The following WDPCP variants were observed in gnomAD, a reference collection of about 807,000 sequenced individuals.
The protein encoded by WDPCP is WD repeat containing planar cell polarity effector.
Under a neutral mutation model 93.1 loss-of-function variants are expected in WDPCP, and 71 were observed. The ratio of observed to expected loss-of-function variants is 0.76; its 90% CI spans 0.63 to 0.93. The LOEUF is 0.93. Ranked by LOEUF, WDPCP falls within the 40% of genes least tolerant of loss-of-function variation. WDPCP has a pLI of 0.00. For synonymous variants in WDPCP, 315 were observed against 315.0 expected, an observed-to-expected ratio of 1.00 and a Z score of 0.00; for missense variants, 844 against 887.4, an observed-to-expected ratio of 0.95 and a Z score of 0.62.
chr2:63,297,410 A>C (rs1259347295), intron 13 of WDPCP, among the ~76,000 whole-genome samples: 1 of 152,112 alleles, frequency 6.6e-6, no homozygotes. Flanking sequence ...CTCAGGGTAT[A>C]CTTAAGTTAT....
Position 63,424,507 on chromosome 2 carries a change from G to T in WDPCP, c.825+9238C>A, listed in dbSNP as rs1696114917. Among the ~76,000 whole-genome samples the T allele has an allele frequency of 2.0e-5, 3 of 152,122 alleles. No individual in the cohort carries two copies. In the South Asian group the frequency reaches 6.2e-4, roughly 32 times the overall value. ...GTGTGTACATAGCACAGCCTCCACT[G>T]CCCAGCCTGAGTGCTTTGCTGGTGG... On this transcript the variant is annotated intron_variant, in intron 9 of 17. Transcript: ENST00000272321.
intron 12 of WDPCP, among the ~76,000 whole-genome samples, chr2:63,313,886 A>ATATATATTT: frequency 1.7e-4 from 13 of 74,470 alleles, no homozygotes; most frequent in South Asian, 4.8e-4. Context: ...ATATATATAT[A>ATATATATTT]TTTTTTTTTT....
At chr2:63,340,864 C>A (rs952916565) in intron 12 of WDPCP, among the ~76,000 whole-genome samples, 4 of 152,128 alleles carry the variant, frequency 2.6e-5, no homozygotes, top group African/African-American at 9.7e-5. Flanking sequence ...CATTTTAAAT[C>A]CAGAAGTTCC....
chr2:63,387,089 A>G (rs2104961983), intron 10 of WDPCP, among the ~76,000 whole-genome samples: 1 of 152,246 alleles, frequency 6.6e-6, no homozygotes, highest in East Asian at 1.9e-4. Flanking sequence ...TCCTACTGAA[A>G]CTATTCCAAA....
At chr2:63,540,746 TTTTG>T (rs765083556) in intron 1 of WDPCP, among the ~76,000 whole-genome samples, 94 of 152,114 alleles carry the variant, frequency 6.2e-4, no homozygotes, top group East Asian at 9.7e-4. Context: ...ATAGTGGTTT[TTTTG>T]TTTGTTTGTT....
intron 1 of WDPCP, among the ~76,000 whole-genome samples, chr2:63,824,547 A>AC (rs1461581865): frequency 1.3e-5 from 2 of 149,570 alleles, no homozygotes; most frequent in South Asian, 2.1e-4. Flanking sequence ...CAAAAAAAAA[A>AC]AAAAAAAAAA....
intron 2 of WDPCP, among the ~76,000 whole-genome samples, chr2:63,710,864 G>T (rs955944810): frequency 1.5e-4 from 23 of 152,178 alleles, no homozygotes; most frequent in Admixed American, 1.0e-3. Flanking sequence ...ATCTCCACCT[G>T]TCTCTGTATT....
At chr2:63,261,174 GTTTTTTTTTTTTCTGT>G (rs1388496776) in intron 13 of WDPCP, among the ~76,000 whole-genome samples, 3 of 127,524 alleles carry the variant, frequency 2.4e-5, no homozygotes, top group African/African-American at 3.2e-5. Flanking sequence ...CTGTCGAAAG[GTTTTTTTTTTTTCTGT>G]TTTTTTTTTT....
At chr2:63,230,035 C>CT (rs1478783725) in intron 14 of WDPCP, among the ~76,000 whole-genome samples, 3 of 151,444 alleles carry the variant, frequency 2.0e-5, no homozygotes, top group Non-Finnish European at 2.9e-5. Context: ...TGCTGCACCC[C>CT]TTAACTCATC....
intron 9 of WDPCP, among the ~76,000 whole-genome samples, chr2:63,421,486 T>C (rs1695855875): frequency 1.3e-5 from 2 of 151,990 alleles, no homozygotes; most frequent in Non-Finnish European, 2.9e-5. Flanking sequence ...TTTGACAAAG[T>C]AGCAAAGGCA....
At chr2:63,463,337 G>A (rs1392330277) in intron 6 of WDPCP, among the ~76,000 whole-genome samples, 2 of 152,100 alleles carry the variant, frequency 1.3e-5, no homozygotes, top group Admixed American at 6.6e-5. Context: ...TGAATGCTGA[G>A]TAAGCAAGAA....
chr2:63,645,587 T>C (rs1710038228), intron 3 of WDPCP, among the ~76,000 whole-genome samples: 1 of 152,248 alleles, frequency 6.6e-6, no homozygotes, highest in South Asian at 2.1e-4. Flanking sequence ...ATCTGTCCAA[T>C]GTTGAAAGTG....
rs1201819831 is a variant in WDPCP, at chr2:63,382,344, G to A, written c.1436-250C>T. 2.0e-5 allele frequency among the ~76,000 whole-genome samples: 3 copies of A among 151,980 alleles called. No individual in the cohort carries two copies. In the South Asian group the frequency reaches 6.2e-4, roughly 32 times the overall value. Reference sequence around the variant, plus strand: ...GGACCAAGAGCATAAAACAAAGATTGGGGGGTGGCATTCTGTTCTGGTTTT... The same window carrying A: ...GGACCAAGAGCATAAAACAAAGATTAGGGGGTGGCATTCTGTTCTGGTTTT... On this transcript the variant is annotated intron_variant, in intron 10 of 17. Transcript: ENST00000272321.
chr2:63,203,559 A>G (rs931385439), intron 14 of WDPCP, among the ~76,000 whole-genome samples: 1 of 152,102 alleles, frequency 6.6e-6, no homozygotes, highest in African/African-American at 2.4e-5. Flanking sequence ...ATTTTTTACC[A>G]TAGACACTGT....
chr2:63,335,371 T>C (rs557196492), intron 12 of WDPCP, among the ~76,000 whole-genome samples: 13 of 152,174 alleles, frequency 8.5e-5, no homozygotes, highest in Non-Finnish European at 1.6e-4. Context: ...CCTTGCTCAT[T>C]TGATTTACAC....
intron 6 of WDPCP, among the ~76,000 whole-genome samples, chr2:63,443,856 A>C (rs2105560376): frequency 6.6e-6 from 1 of 152,276 alleles, no homozygotes; most frequent in East Asian, 1.9e-4. Context: ...AAAGACTCAA[A>C]GATTTTTGGC....
At chr2:63,142,403 T>G (rs902584924) in intron 17 of WDPCP, among the ~76,000 whole-genome samples, 1 of 152,238 alleles carries the variant, frequency 6.6e-6, no homozygotes, top group Non-Finnish European at 1.5e-5. Flanking sequence ...TCAATGCTCA[T>G]TCAGGAGGAC....
At chr2:63,434,451 G>A (rs1183806402) in intron 8 of WDPCP, among the ~76,000 whole-genome samples, 1 of 152,158 alleles carries the variant, frequency 6.6e-6, no homozygotes, top group Non-Finnish European at 1.5e-5. Flanking sequence ...ACAGCATCAT[G>A]CATAAAAGTT....
intron 1 of WDPCP, among the ~76,000 whole-genome samples, chr2:63,534,131 G>A (rs1575598288): frequency 1.3e-5 from 2 of 152,120 alleles, no homozygotes; most frequent in East Asian, 3.9e-4. Flanking sequence ...TAAATTCCTG[G>A]ACACATACAC....
Sources: gnomAD v4.1 joint callset for allele counts (sites outside exome capture counted in the v4.1 genomes callset) on GRCh38, gnomAD v4.1.1 for gene constraint, MANE v1.5 for transcripts, NCBI Gene and HGNC (gene_info 2026-07-23, HGNC 2026-07-21) for gene names.